Variants in MCF2L observed in about 807,000 individuals in gnomAD.
MCF2L encodes the protein MCF.2 cell line derived transforming sequence like.
MCF2L carries 97 observed loss-of-function variants against 153.4 expected under a neutral mutation model. The ratio of observed to expected loss-of-function variants is 0.63; its 90% CI spans 0.54 to 0.75. The LOEUF (loss-of-function observed/expected upper bound fraction) is 0.75. MCF2L is among the 30% of genes least tolerant of loss of function. The pLI, the probability that MCF2L is intolerant of heterozygous loss-of-function variation, is 0.00. For synonymous variants in MCF2L, 659 were observed against 632.2 expected (o/e 1.04, Z -0.64); for missense variants, 1,347 against 1,495.2 (o/e 0.90, Z 1.64).
chr13:113,023,244 C>T (rs779904106), intron 2 of MCF2L, among the ~76,000 whole-genome samples: 27 of 152,218 alleles, frequency 1.8e-4, no homozygotes, highest in Non-Finnish European at 2.8e-4. Flanking sequence ...AAAAGATATG[C>T]TTGTGTGACG....
rs892548140 is a variant in MCF2L, at chr13:113,027,783, C to T, written c.278+3025C>T. Among the ~76,000 whole-genome samples the T allele has an allele frequency of 2.6e-5, 4 of 152,208 alleles. No individual in the cohort carries two copies. Among genetic ancestry groups the T allele is most frequent in the African/African-American group, 7.2e-5 (3 of 41,530 alleles). ...ATGTTATAGATGAGGCTTAATAACA[C>T]GGTGATGGCTGGAGAAAGGGGATGG... On this transcript the variant is annotated intron_variant, in intron 3 of 29. Coordinates refer to ENST00000535094, the MANE Select transcript of MCF2L (RefSeq NM_001112732.3). The surrounding 1 kb of genome is among the most constrained non-coding windows in gnomAD (Gnocchi z 4.8).
rs1183153813 is a variant in MCF2L at position 112,993,075 on chromosome 13, C to A, written c.80-21688C>A. The stretch of plus-strand genomic sequence containing the variant: ...GCGGCTCGCTGCCTTGAGAAGCTCC[C>A]GCTTCTGCAGTAAGGTGGCTTTTAA... On this transcript the variant is annotated intron_variant, in intron 1 of 29. Coordinates refer to ENST00000535094, the MANE Select transcript of MCF2L (RefSeq NM_001112732.3). The surrounding 1 kb of genome is among the most constrained non-coding windows in gnomAD (Gnocchi z 4.6). Among the ~76,000 whole-genome samples the A allele has an allele frequency of 6.6e-6, 1 of 152,210 alleles. No individual in the cohort carries two copies.
chr13:113,000,792 A>G (rs1396702037), intron 1 of MCF2L, among the ~76,000 whole-genome samples: 1 of 152,200 alleles, frequency 6.6e-6, no homozygotes, highest in African/African-American at 2.4e-5. Context: ...GTGCACATGT[A>G]AGGCTCTGCG....
chr13:112,916,529 G>A (rs961083851), intron 2 of MCF2L, among the ~76,000 whole-genome samples: 8 of 152,178 alleles, frequency 5.3e-5, no homozygotes, highest in Non-Finnish European at 5.9e-5. Context: ...CTCACCCAGC[G>A]TCACGCCCTG....
chr13:112,979,524 A>G (rs2082326623), intron 1 of MCF2L: 1 of 1,488,068 alleles, frequency 6.7e-7, no homozygotes, highest in Non-Finnish European at 8.9e-7. Flanking sequence ...GTCTCTTGTG[A>G]CCATGCGGCA....
chr13:112,925,414 A>C (rs1175301457), intron 2 of MCF2L, among the ~76,000 whole-genome samples: 3 of 152,200 alleles, frequency 2.0e-5, no homozygotes, highest in Non-Finnish European at 4.4e-5. Context: ...CTGTACGTGT[A>C]CGTATGTGGA....
At chr13:112,990,991 T>A (rs1442372539) in intron 1 of MCF2L, among the ~76,000 whole-genome samples, 1 of 152,220 alleles carries the variant, frequency 6.6e-6, no homozygotes, top group East Asian at 1.9e-4. Flanking sequence ...GCTGGTACAT[T>A]GTTGCCACAG....
Position 112,959,401 on chromosome 13 carries a change from G to A in MCF2L, c.170-55362G>A, listed in dbSNP as rs141084659. On this transcript the variant is annotated intron_variant, in intron 2 of 29. Transcript: ENST00000375608. Reference sequence around the variant, plus strand: ...GTGGGTCCTTTGTTTCAGAACAAGCGCGTTCTCCTTACTCTCTGGCACGGC... The same window carrying A: ...GTGGGTCCTTTGTTTCAGAACAAGCACGTTCTCCTTACTCTCTGGCACGGC... Among the ~76,000 whole-genome samples, 13 of 152,126 alleles carry A rather than the reference G, an allele frequency of 8.5e-5. No homozygotes were observed. The East Asian group carries it at 1.7e-3, about 20-fold the overall frequency.
Position 113,027,087 on chromosome 13 carries a change from C to T in MCF2L, c.278+2329C>T, listed in dbSNP as rs1566761010. On this transcript the variant is annotated intron_variant, in intron 3 of 29. Transcript: ENST00000535094. The surrounding 1 kb of genome is among the most constrained non-coding windows in gnomAD (Gnocchi z 4.8). The stretch of plus-strand genomic sequence containing the variant: ...CCTTAAATATGGCATCTGTATCCCG[C>T]ACATTACATAAGGTGGCAAAACACA... 4.0e-6 allele frequency: 3 copies of T among 745,844 alleles called. No homozygotes were observed. Among genetic ancestry groups the T allele is most frequent in the Non-Finnish European group, 7.4e-6 (3 of 406,866 alleles). The allele number at this position is 745,844 out of a possible 1,614,324, so 46.2% of individuals were successfully genotyped here.
In MCF2L at chr13:112,969,347, G is replaced by T. The variant is rs1256925117; in HGVS notation, c.-33G>T. 4.5e-6 allele frequency: 7 copies of T among 1,549,210 alleles called. No homozygotes were observed. The highest frequency in any genetic ancestry group is 2.0e-5 in the Admixed American group (1 of 50,958). On this transcript the variant is annotated 5_prime_UTR_variant, in exon 1 of 30. Coordinates refer to ENST00000535094, the MANE Select transcript of MCF2L (RefSeq NM_001112732.3). The surrounding 1 kb of genome is among the most constrained non-coding windows in gnomAD (Gnocchi z 4.8). ...AGGCGCCCCCCGTGCGGAGGAAGCG[G>T]ATCTGCCAGGATCATTTTTGTTGTG...
chr13:113,046,710 AC>A lies in MCF2L; in HGVS notation c.369+1354del. On this transcript the variant is annotated intron_variant, in intron 4 of 29. Transcript: ENST00000535094. The surrounding 1 kb of genome is among the most constrained non-coding windows in gnomAD (Gnocchi z 4.4). ...TCTTTAGGATGAGGCATCTCCTTGCACCCCCACGGCACCTCTCTGCCCCTCG... is the reference window on the plus strand; with the variant it reads ...TCTTTAGGATGAGGCATCTCCTTGCACCCCACGGCACCTCTCTGCCCCTCG... The A allele has an allele frequency of 1.9e-6, 1 of 519,870 alleles. No individual in the cohort carries two copies. Among genetic ancestry groups the A allele is most frequent in the Non-Finnish European group, 4.0e-6 (1 of 252,146 alleles). 32.2% of individuals were successfully genotyped at this position (519,870 alleles called of 1,614,324 possible). A position where few individuals can be genotyped will look rare whatever the true frequency, so the allele number is the denominator to read the frequency against.
At chr13:113,050,319 T>C (rs1405060093) in intron 4 of MCF2L, among the ~76,000 whole-genome samples, 1 of 151,880 alleles carries the variant, frequency 6.6e-6, no homozygotes, top group Non-Finnish European at 1.5e-5. Context: ...AGTGTGTGTG[T>C]GCGTGTTCAC....
Position 113,031,217 on chromosome 13 carries a change from CAG to C in MCF2L, c.278+6467_278+6468del, listed in dbSNP as rs1219537956. On this transcript the variant is annotated intron_variant, in intron 3 of 29. Coordinates refer to ENST00000535094, the MANE Select transcript of MCF2L (RefSeq NM_001112732.3). The surrounding 1 kb of genome is among the most constrained non-coding windows in gnomAD (Gnocchi z 5.5). ...AGACAGAGACAGACAGAGACAGAGA[CAG>C]AGAGAGACAGAGAGAAGAGACAGAG... 3.6e-5 allele frequency among the ~76,000 whole-genome samples: 5 copies of C among 139,516 alleles called. No homozygotes were observed. Among genetic ancestry groups the C allele is most frequent in the Non-Finnish European group, 7.7e-5 (5 of 64,672 alleles). The allele number at this position is 139,516 out of a possible 152,430, so 91.5% of individuals were successfully genotyped here. A position where few individuals can be genotyped will look rare whatever the true frequency, so the allele number is the denominator to read the frequency against.
At chr13:113,048,080 C>T (rs1264670069) in intron 4 of MCF2L, among the ~76,000 whole-genome samples, 1 of 152,256 alleles carries the variant, frequency 6.6e-6, no homozygotes, top group African/African-American at 2.4e-5. Flanking sequence ...AGTATTTCTG[C>T]GAGGTCACCC....
chr13:113,095,791 C>G (rs776582240), intron 27 of MCF2L: 92 of 999,910 alleles, frequency 9.2e-5, no homozygotes, highest in Non-Finnish European at 1.1e-4. Context: ...ACAGCTGCCG[C>G]TTCCTGGGTC....
In MCF2L at chr13:113,094,612, G is replaced by C; in HGVS notation, c.3052G>C (p.Gly1018Arg). The change falls in exon 27 of 30, where the codon GGC (glycine) becomes CGC (arginine). Residue 1018 changes from glycine (G) to arginine (R), a missense_variant. Gly to Arg is a moderately radical substitution (Grantham distance 125). Transcript: ENST00000535094. The stretch of plus-strand genomic sequence containing the variant: ...TAACTCGTCCGACGCAGAGGAGGAC[G>C]GCGGGTTGGGCCCCAAGAAGCTGGT... The part of the protein sequence containing the change: ...QINSSDAEED[G>R]GLGPKKLVPG... 6.2e-7 allele frequency: 1 copy of C among 1,611,542 alleles called. No individual in the cohort carries two copies.
rs1392950204 is a variant in MCF2L at position 113,090,953 on chromosome 13, C to T, written c.2953+1225C>T. On this transcript the variant is annotated intron_variant, in intron 26 of 29. Coordinates refer to ENST00000535094, the MANE Select transcript of MCF2L (RefSeq NM_001112732.3). ...CCGGCCCCTCCTTCACTGCGCGGCC[C>T]CTCGGCTCCCTGTGTTTTGCTCACA... 34 of 1,210,574 alleles carry T rather than the reference C, an allele frequency of 2.8e-5. 1 individual carries two copies. The South Asian group carries it at 4.8e-4, about 17-fold the overall frequency. 75.0% of individuals were successfully genotyped at this position (1,210,574 alleles called of 1,614,324 possible).
chr13:112,918,685 T>G (rs3011500), intron 2 of MCF2L, among the ~76,000 whole-genome samples: 10,511 of 152,208 alleles, frequency 0.069, 388 homozygotes, highest in South Asian at 0.14. Context: ...TTTCCTGCTT[T>G]TGTCTCCTGG....
At chr13:113,004,899 C>T (rs573823370) in intron 1 of MCF2L, among the ~76,000 whole-genome samples, 21 of 152,320 alleles carry the variant, frequency 1.4e-4, no homozygotes, top group African/African-American at 4.6e-4. Context: ...TGTTGGTGGG[C>T]ACGTAAGTTG....
Sources: gnomAD v4.1 joint callset for allele counts (sites outside exome capture counted in the v4.1 genomes callset) on GRCh38, gnomAD v4.1.1 for gene constraint, Gnocchi (gnomAD v3.1) non-coding constraint, MANE v1.5 for transcripts, NCBI Gene and HGNC (gene_info 2026-07-23, HGNC 2026-07-21) for gene names.